The following NRXN3 variants were observed in gnomAD, a reference collection of about 807,000 sequenced individuals.
NRXN3 encodes neurexin III.
NRXN3 carries 32 observed loss-of-function variants against 137.6 expected under a neutral mutation model. That is an observed-to-expected ratio of 0.23 (90% CI 0.18 to 0.31). The LOEUF (loss-of-function observed/expected upper bound fraction) is 0.31, where lower values mean the gene tolerates loss of function less well. NRXN3 is among the 10% of genes least tolerant of loss of function. The probability of loss-of-function intolerance (pLI) is 1.00; values close to 1 mark genes in which losing one functional copy is unlikely to be tolerated. For missense variants in NRXN3, 1,574 were observed against 2,062.5 expected, an observed-to-expected ratio of 0.76 and a Z score of 4.59; for synonymous variants, 798 against 784.5, an observed-to-expected ratio of 1.02 and a Z score of -0.29.
chr14:79,467,447 T>C, intron 16 of NRXN3, 45 bp downstream of exon 16: 1 of 1,511,676 alleles, frequency 6.6e-7, no homozygotes, highest in Non-Finnish European at 9.0e-7. Context: ...TTACTGGTGG[T>C]CTGAGTTAGT....
chr14:79,562,556 A>C (rs1219956671), intron 16 of NRXN3, among the ~76,000 whole-genome samples: 1 of 152,120 alleles, frequency 6.6e-6, no homozygotes, highest in Non-Finnish European at 1.5e-5. Context: ...AGAATGTCCA[A>C]ATTGCTATCA....
intron 3 of NRXN3, among the ~76,000 whole-genome samples, chr14:78,289,716 C>A (rs1284050379): frequency 6.6e-6 from 1 of 151,964 alleles, no homozygotes; most frequent in Non-Finnish European, 1.5e-5. Flanking sequence ...GAGATCAAGA[C>A]CGTCCTGGCC....
At chr14:79,188,731 T>C (rs1395796969) in intron 15 of NRXN3, among the ~76,000 whole-genome samples, 1 of 152,180 alleles carries the variant, frequency 6.6e-6, no homozygotes, top group Non-Finnish European at 1.5e-5. Context: ...GGGAAGGACA[T>C]GAACAGACAC....
chr14:78,978,428 G>C (rs1307728315), intron 14 of NRXN3, among the ~76,000 whole-genome samples: 2 of 151,990 alleles, frequency 1.3e-5, no homozygotes, highest in African/African-American at 4.8e-5. Flanking sequence ...AGTGATCATT[G>C]CTTTCTTATT....
At chr14:79,428,489 G>C (rs910927788) in intron 15 of NRXN3, among the ~76,000 whole-genome samples, 1 of 152,046 alleles carries the variant, frequency 6.6e-6, no homozygotes, top group African/African-American at 2.4e-5. Context: ...TTAAAGATAA[G>C]ACATGAAATT....
intron 15 of NRXN3, among the ~76,000 whole-genome samples, chr14:79,023,326 A>G (rs1325918751): frequency 6.6e-6 from 1 of 152,068 alleles, no homozygotes; most frequent in Non-Finnish European, 1.5e-5. Context: ...CAACAGACCA[A>G]GCTCCAAGCT....
At chr14:78,364,908 G>A (rs910346599) in intron 4 of NRXN3, among the ~76,000 whole-genome samples, 3 of 152,234 alleles carry the variant, frequency 2.0e-5, no homozygotes, top group Non-Finnish European at 2.9e-5. Flanking sequence ...GTTCAGAACC[G>A]ATACAAACTC....
At chr14:79,346,561 C>T (rs944694712) in intron 15 of NRXN3, among the ~76,000 whole-genome samples, 1 of 152,144 alleles carries the variant, frequency 6.6e-6, no homozygotes, top group African/African-American at 2.4e-5. Flanking sequence ...TTTCTTACTG[C>T]CTGGAAATCT....
chr14:78,669,330 A>G (rs1483258434), intron 6 of NRXN3, among the ~76,000 whole-genome samples: 1 of 152,164 alleles, frequency 6.6e-6, no homozygotes, highest in Non-Finnish European at 1.5e-5. Flanking sequence ...AGACCCCAAT[A>G]GAGAGTTCTT....
chr14:78,983,585 G>A (rs1403537218), intron 14 of NRXN3, among the ~76,000 whole-genome samples: 4 of 152,108 alleles, frequency 2.6e-5, no homozygotes, highest in Admixed American at 1.3e-4. Flanking sequence ...AAGGCTGGGT[G>A]TGGTGGCTCA....
At chr14:78,714,472 C>A (rs555910437) in intron 7 of NRXN3, among the ~76,000 whole-genome samples, 2 of 152,256 alleles carry the variant, frequency 1.3e-5, no homozygotes, top group Admixed American at 1.3e-4. Context: ...CTGCTCTCAA[C>A]CTGTATGGTC....
chr14:78,568,853 G>T (rs191866555), intron 4 of NRXN3, among the ~76,000 whole-genome samples: 1 of 152,106 alleles, frequency 6.6e-6, no homozygotes, highest in African/African-American at 2.4e-5. Flanking sequence ...ACTTTAGTGG[G>T]CATGAGAAAC....
chr14:78,807,734 C>A (rs1269805565), intron 9 of NRXN3, among the ~76,000 whole-genome samples: 15 of 111,714 alleles, frequency 1.3e-4, no homozygotes, highest in African/African-American at 4.9e-4. Flanking sequence ...GATTCTGTCT[C>A]AAAAAAAAAA....
chr14:79,375,284 C>T (rs1405379487), intron 15 of NRXN3, among the ~76,000 whole-genome samples: 1 of 148,190 alleles, frequency 6.7e-6, no homozygotes, highest in Admixed American at 6.8e-5. Context: ...CCGCCTCCAG[C>T]TCCCACCCCC....
At chr14:79,634,452 T>G (rs1195549882) in intron 16 of NRXN3, among the ~76,000 whole-genome samples, 2 of 152,202 alleles carry the variant, frequency 1.3e-5, no homozygotes, top group African/African-American at 2.4e-5. Flanking sequence ...TAAAATAAAT[T>G]ATCTCTTTTG....
chr14:78,892,646 A>C (rs930289923), intron 10 of NRXN3, among the ~76,000 whole-genome samples: 17 of 151,542 alleles, frequency 1.1e-4, no homozygotes, highest in Admixed American at 5.3e-4. Flanking sequence ...TTTCTTCCTC[A>C]TTAAAATCAC....
chr14:79,603,816 A>T (rs1399208176), intron 16 of NRXN3, among the ~76,000 whole-genome samples: 1 of 152,192 alleles, frequency 6.6e-6, no homozygotes, highest in African/African-American at 2.4e-5. Context: ...GCTCCATGAG[A>T]TTCTTTTCAT....
intron 19 of NRXN3, among the ~76,000 whole-genome samples, chr14:79,802,871 T>G (rs754424334): frequency 6.6e-6 from 1 of 152,032 alleles, no homozygotes. Context: ...TTTTTAAGTA[T>G]GTTTAAAAAT....
At chr14:78,179,934 C>T (rs144132134) in intron 1 of NRXN3, among the ~76,000 whole-genome samples, 39 of 150,442 alleles carry the variant, frequency 2.6e-4, no homozygotes, top group African/African-American at 9.3e-4. Flanking sequence ...CAATCTTTGC[C>T]TCCTGGGTTC....
Sources: gnomAD v4.1 joint callset for allele counts (sites outside exome capture counted in the v4.1 genomes callset) on GRCh38, gnomAD v4.1.1 for gene constraint, MANE v1.5 for transcripts, NCBI Gene and HGNC (gene_info 2026-07-23, HGNC 2026-07-21) for gene names.